MNAT1: variants seen among roughly 807,000 people sequenced by gnomAD.
The protein encoded by MNAT1 is CDK-activating kinase assembly factor MAT1.
A neutral mutation model predicts 42.0 loss-of-function variants in MNAT1; 43 were observed. The ratio of observed to expected loss-of-function variants is 1.02; its 90% CI spans 0.80 to 1.32. The LOEUF (loss-of-function observed/expected upper bound fraction) is 1.32. Among genes scored for constraint, MNAT1 ranks in the 40% most tolerant of loss-of-function variants. The pLI is 0.00. For synonymous variants in MNAT1, 118 were observed against 120.0 expected (o/e 0.98, Z 0.11); for missense variants, 306 against 350.4 (o/e 0.87, Z 1.01).
chr14:60,811,505 T>C lies in MNAT1; in HGVS notation c.421-482T>C, dbSNP rs539853370. 5.1e-4 allele frequency among the ~76,000 whole-genome samples: 77 copies of C among 152,172 alleles called. 1 individual carries two copies. The highest frequency in any genetic ancestry group is 1.8e-3 in the African/African-American group (74 of 41,504). On this transcript the variant is annotated intron_variant, in intron 4 of 7. Coordinates refer to ENST00000261245, the MANE Select transcript of MNAT1 (RefSeq NM_002431.4). ...CTTTAGTAGAGACAGGGTTTCACCATGTTGGCCAAGCTGGTCTCGAACTCC... is the reference window on the plus strand; with the variant it reads ...CTTTAGTAGAGACAGGGTTTCACCACGTTGGCCAAGCTGGTCTCGAACTCC...
At chr14:60,897,822 T>C (rs979092815) in intron 7 of MNAT1, among the ~76,000 whole-genome samples, 1 of 152,174 alleles carries the variant, frequency 6.6e-6, no homozygotes. Flanking sequence ...TAGTCTCTTA[T>C]TGAACATTAG....
At chr14:60,844,849 A>T (rs2033644475) in intron 6 of MNAT1, among the ~76,000 whole-genome samples, 1 of 151,972 alleles carries the variant, frequency 6.6e-6, no homozygotes, top group South Asian at 2.1e-4. Flanking sequence ...GTAGATGTTG[A>T]ATTCTGTCAA....
At chr14:60,887,838 G>T (rs2034716515) in intron 7 of MNAT1, among the ~76,000 whole-genome samples, 1 of 151,926 alleles carries the variant, frequency 6.6e-6, no homozygotes, top group Non-Finnish European at 1.5e-5. Flanking sequence ...AAATAAACTA[G>T]AAAATCTAGA....
intron 1 of MNAT1, among the ~76,000 whole-genome samples, chr14:60,786,641 A>C (rs2031661565): frequency 6.6e-6 from 1 of 152,214 alleles, no homozygotes; most frequent in Non-Finnish European, 1.5e-5. Flanking sequence ...AAACATAACT[A>C]TATTTTCCAA....
chr14:60,780,702 A>C, intron 1 of MNAT1: 1 of 727,576 alleles, frequency 1.4e-6, no homozygotes, highest in Non-Finnish European at 2.3e-6. Flanking sequence ...TTATACATGG[A>C]GAAAACCAAA....
At chr14:60,957,901 G>A (rs1211000076) in intron 7 of MNAT1, among the ~76,000 whole-genome samples, 1 of 151,952 alleles carries the variant, frequency 6.6e-6, no homozygotes, top group Admixed American at 6.5e-5. Context: ...GCAGTGGCAC[G>A]ATCTCAGCTC....
At chr14:60,791,318 T>C (rs1412399499) in intron 1 of MNAT1, among the ~76,000 whole-genome samples, 2 of 152,168 alleles carry the variant, frequency 1.3e-5, no homozygotes, top group African/African-American at 4.8e-5. Flanking sequence ...TATCTTTTCT[T>C]CTGAAAGTCT....
intron 6 of MNAT1, among the ~76,000 whole-genome samples, chr14:60,841,133 CTT>C (rs919912523): frequency 6.6e-6 from 1 of 151,518 alleles, no homozygotes; most frequent in African/African-American, 2.4e-5. Context: ...CTCTCTCTCT[CTT>C]TCTCTCTCTC....
intron 1 of MNAT1, among the ~76,000 whole-genome samples, chr14:60,756,292 T>C (rs545785860): frequency 2.6e-5 from 4 of 152,206 alleles, no homozygotes; most frequent in Non-Finnish European, 5.9e-5. Context: ...CAGAGTTATA[T>C]TGAAAAAAGT....
chr14:60,818,580 T>G (rs2032785904), intron 5 of MNAT1, 142 bp from the exon 6 acceptor site: 1 of 562,462 alleles, frequency 1.8e-6, no homozygotes, highest in Admixed American at 4.1e-5. Context: ...AATGTTAATA[T>G]TTTTTGTAAA....
At chr14:60,918,205 T>C (rs1392773595) in intron 7 of MNAT1, among the ~76,000 whole-genome samples, 1 of 91,986 alleles carries the variant, frequency 1.1e-5, no homozygotes, top group African/African-American at 6.1e-5. Context: ...GTTCTTTTTT[T>C]TTTTTTTTTT....
In MNAT1 at chr14:60,904,976, C is replaced by CTTTT. The variant is rs3081651; in HGVS notation, c.809+25155_809+25158dup. Among the ~76,000 whole-genome samples the CTTTT allele has an allele frequency of 2.2e-3, 170 of 79,008 alleles. 11 individuals carry two copies. Among genetic ancestry groups the CTTTT allele is most frequent in the Middle Eastern group, 0.015 (1 of 66 alleles). The allele number at this position is 79,008 out of a possible 152,430, so 51.8% of individuals were successfully genotyped here. A position where few individuals can be genotyped will look rare whatever the true frequency, so the allele number is the denominator to read the frequency against. The stretch of plus-strand genomic sequence containing the variant: ...AAAACAATAGATTGTTCAGCAGTTC[C>CTTTT]TTTTTTTTTTTTTTTTTGGACGGAG... On this transcript the variant is annotated intron_variant, in intron 7 of 7. Transcript: ENST00000261245.
chr14:60,880,879 T>A (rs2034535474), intron 7 of MNAT1, among the ~76,000 whole-genome samples: 1 of 152,310 alleles, frequency 6.6e-6, no homozygotes, highest in Non-Finnish European at 1.5e-5. Flanking sequence ...ATAACAGATT[T>A]ATTAAACAAT....
At chr14:60,902,706 C>T (rs1049594938) in intron 7 of MNAT1, among the ~76,000 whole-genome samples, 1 of 152,028 alleles carries the variant, frequency 6.6e-6, no homozygotes, top group African/African-American at 2.4e-5. Context: ...GAAGAATGGG[C>T]ATTTAAAATA....
intron 1 of MNAT1, among the ~76,000 whole-genome samples, chr14:60,746,779 G>C (rs1472312076): frequency 6.7e-6 from 1 of 148,772 alleles, no homozygotes; most frequent in South Asian, 2.1e-4. Context: ...CTTACTGAGC[G>C]TAACTTATAG....
At chr14:60,758,204 CT>C (rs879685773) in intron 1 of MNAT1, among the ~76,000 whole-genome samples, 105 of 142,890 alleles carry the variant, frequency 7.3e-4, no homozygotes, top group Non-Finnish European at 8.5e-4. Context: ...TCTACTTGGA[CT>C]TTTTTTTTTT....
chr14:60,837,288 T>C (rs990902964), intron 6 of MNAT1, among the ~76,000 whole-genome samples: 1 of 152,200 alleles, frequency 6.6e-6, no homozygotes, highest in Non-Finnish European at 1.5e-5. Context: ...AAACTGCAGC[T>C]AGCTCAGTGT....
chr14:60,927,773 A>G (rs1278798217), intron 7 of MNAT1, among the ~76,000 whole-genome samples: 2 of 152,096 alleles, frequency 1.3e-5, no homozygotes, highest in Non-Finnish European at 2.9e-5. Flanking sequence ...GAAGGTCAGG[A>G]CTGGATGTAT....
intron 7 of MNAT1, among the ~76,000 whole-genome samples, chr14:60,962,592 C>G (rs2036614551): frequency 1.3e-5 from 2 of 152,084 alleles, no homozygotes; most frequent in Non-Finnish European, 2.9e-5. Context: ...CTGTTCTATC[C>G]AAAATACCTG....
Sources: allele counts gnomAD v4.1 joint callset (sites outside exome capture counted in the v4.1 genomes callset), GRCh38; gene constraint gnomAD v4.1.1; transcripts MANE v1.5; gene names NCBI Gene and HGNC (gene_info 2026-07-23, HGNC 2026-07-21).